The following TANC2 variants were observed in gnomAD, a reference collection of about 807,000 sequenced individuals.
TANC2 encodes protein TANC2.
A neutral mutation model predicts 210.5 loss-of-function variants in TANC2; 26 were observed. The observed-to-expected ratio is 0.12, with a 90% CI of 0.09 to 0.17. TANC2 has a LOEUF of 0.17. Ranked by LOEUF, TANC2 falls within the 10% of genes least tolerant of loss-of-function variation. The pLI is 1.00. For synonymous variants in TANC2, 931 were observed against 967.1 expected, an observed-to-expected ratio of 0.96 and a Z score of 0.69; for missense variants, 2,129 against 2,608.9, an observed-to-expected ratio of 0.82 and a Z score of 4.01.
At chr17:63,136,398 A>G (rs1485706894) in intron 4 of TANC2, among the ~76,000 whole-genome samples, 1 of 152,196 alleles carries the variant, frequency 6.6e-6, no homozygotes, top group Non-Finnish European at 1.5e-5. Context: ...TACCTTGGAT[A>G]CAGCTTGGAA....
chr17:63,307,868 C>G (rs779052041), intron 9 of TANC2, among the ~76,000 whole-genome samples: 26 of 152,166 alleles, frequency 1.7e-4, no homozygotes, highest in Non-Finnish European at 3.5e-4. Context: ...CAGGTTCACA[C>G]CATTCTCCTG....
chr17:63,203,800 A>G (rs1040229503), intron 7 of TANC2, among the ~76,000 whole-genome samples: 1 of 152,188 alleles, frequency 6.6e-6, no homozygotes, highest in African/African-American at 2.4e-5. Flanking sequence ...ACCAAAAAAA[A>G]AGTAGTCAGA....
chr17:63,347,195 T>G (rs2046442438), intron 12 of TANC2, among the ~76,000 whole-genome samples: 1 of 152,210 alleles, frequency 6.6e-6, no homozygotes, highest in Admixed American at 6.5e-5. Context: ...AGATAAATTG[T>G]AGTACATTCA....
intron 7 of TANC2, among the ~76,000 whole-genome samples, chr17:63,223,356 T>G (rs998598192): frequency 1.3e-5 from 2 of 152,134 alleles, no homozygotes; most frequent in Non-Finnish European, 2.9e-5. Context: ...CAATAGTATA[T>G]AGCAAAATGG....
chr17:63,169,946 T>C (rs943578085), intron 5 of TANC2, among the ~76,000 whole-genome samples: 5 of 138,782 alleles, frequency 3.6e-5, no homozygotes, highest in Non-Finnish European at 7.7e-5. Context: ...AGTGAAATCC[T>C]GTCTCTATTA....
Position 63,200,759 on chromosome 17 carries a change from C to A in TANC2, c.583-12C>A. On this transcript the variant is annotated splice_polypyrimidine_tract_variant and intron_variant, in intron 6 of 27. Coordinates refer to ENST00000689528, the Ensembl canonical transcript of TANC2. Reference sequence around the variant, plus strand: ...CAGGTTATCTTACTTATTCATGATTCCAATTTTTCAGACCTCAGCAATCAC... The same window carrying A: ...CAGGTTATCTTACTTATTCATGATTACAATTTTTCAGACCTCAGCAATCAC... 1 of 1,605,046 alleles carries A rather than the reference C, an allele frequency of 6.2e-7. No homozygotes were observed. Among genetic ancestry groups the A allele is most frequent in the Non-Finnish European group, 8.5e-7 (1 of 1,175,680 alleles).
chr17:63,256,275 A>G (rs575814574), intron 8 of TANC2, among the ~76,000 whole-genome samples: 4 of 152,226 alleles, frequency 2.6e-5, no homozygotes, highest in South Asian at 2.1e-4. Context: ...ACTGTATCCT[A>G]TAGGTGTTCC....
intron 11 of TANC2, among the ~76,000 whole-genome samples, chr17:63,323,782 A>G (rs1460706036): frequency 1.3e-5 from 2 of 152,238 alleles, no homozygotes; most frequent in Admixed American, 6.5e-5. Flanking sequence ...TCATACTGTT[A>G]ATAAATAACG....
intron 9 of TANC2, among the ~76,000 whole-genome samples, chr17:63,279,242 G>A (rs1042306615): frequency 6.6e-6 from 1 of 152,106 alleles, no homozygotes; most frequent in African/African-American, 2.4e-5. Flanking sequence ...AGCAGAGTTC[G>A]TCATCAAGAA....
At chr17:63,095,105 C>G (rs926714317) in intron 3 of TANC2, among the ~76,000 whole-genome samples, 2 of 151,014 alleles carry the variant, frequency 1.3e-5, no homozygotes, top group Admixed American at 6.6e-5. Context: ...TGTCCCTGCC[C>G]CACTGATGCT....
intron 19 of TANC2, among the ~76,000 whole-genome samples, chr17:63,402,516 C>G (rs990512215): frequency 5.9e-5 from 9 of 152,176 alleles, no homozygotes; most frequent in African/African-American, 2.2e-4. Context: ...CTTACATGAC[C>G]TGTCTGTGCT....
intron 5 of TANC2, among the ~76,000 whole-genome samples, chr17:63,192,311 T>C (rs1295126742): frequency 6.6e-6 from 1 of 152,226 alleles, no homozygotes; most frequent in African/African-American, 2.4e-5. Flanking sequence ...GTATCTAATA[T>C]AGCCACTCAC....
At position 63,136,498 on chromosome 17, in the gene TANC2, C is replaced by CTAGTTAATT. The variant is rs1269168760; in HGVS notation, c.323-14771_323-14763dup. On this transcript the variant is annotated intron_variant, in intron 4 of 27. Coordinates refer to ENST00000689528, the Ensembl canonical transcript of TANC2. ...CTATAAATATCTACACAAATGTAAA[C>CTAGTTAATT]TAGTTAATTCATTCAACAAGTAATA... 2.0e-5 allele frequency among the ~76,000 whole-genome samples: 3 copies of CTAGTTAATT among 152,176 alleles called. No homozygotes were observed. The South Asian group carries it at 6.2e-4, about 31-fold the overall frequency.
chr17:63,068,100 C>T (rs1406720686), intron 2 of TANC2, among the ~76,000 whole-genome samples: 1 of 152,044 alleles, frequency 6.6e-6, no homozygotes, highest in African/African-American at 2.4e-5. Flanking sequence ...AGGGGAACAA[C>T]AATTTGAATG....
chr17:63,411,812 GC>G, intron 22 of TANC2, 126 bp downstream of exon 22: 1 of 1,412,838 alleles, frequency 7.1e-7, no homozygotes, highest in Admixed American at 2.4e-5. Flanking sequence ...ATCTATACTT[GC>G]TAGAGAGCAA....
chr17:63,342,785 A>G (rs2447441), intron 12 of TANC2, among the ~76,000 whole-genome samples: 67,045 of 151,808 alleles, frequency 0.44, 18,328 homozygotes, highest in African/African-American at 0.78. Context: ...CAAAAAAAAA[A>G]GAAAAGAAGG....
At chr17:63,041,691 T>TA (rs2035193455) in intron 2 of TANC2, among the ~76,000 whole-genome samples, 1 of 152,190 alleles carries the variant, frequency 6.6e-6, no homozygotes, top group African/African-American at 2.4e-5. Flanking sequence ...AGAGTCTCTC[T>TA]AAAAAGAGTT....
At chr17:63,328,442 C>T (rs547748662) in intron 11 of TANC2, among the ~76,000 whole-genome samples, 2 of 150,990 alleles carry the variant, frequency 1.3e-5, no homozygotes, top group Non-Finnish European at 2.9e-5. Flanking sequence ...TAATAGAATA[C>T]TACTTAGCCT....
chr17:63,168,404 C>A (rs2040289456), intron 5 of TANC2, among the ~76,000 whole-genome samples: 1 of 152,138 alleles, frequency 6.6e-6, no homozygotes, highest in African/African-American at 2.4e-5. Context: ...TAATATGGAT[C>A]TAGTTTTTCT....
Sources: allele counts gnomAD v4.1 joint callset (sites outside exome capture counted in the v4.1 genomes callset), GRCh38; gene constraint gnomAD v4.1.1; transcripts MANE v1.5; gene names NCBI Gene and HGNC (gene_info 2026-07-23, HGNC 2026-07-21).